COL23A1: variants seen among roughly 807,000 people sequenced by gnomAD.
COL23A1 encodes the protein collagen type XXIII alpha 1 chain, also known as collagen alpha-1(XXIII) chain.
COL23A1 carries 97 observed loss-of-function variants against 99.3 expected under a neutral mutation model. The observed-to-expected ratio is 0.98, with a 90% CI of 0.83 to 1.16. COL23A1 has a LOEUF of 1.16. Ranked by LOEUF, COL23A1 falls within the 50% of genes most tolerant of loss-of-function variation. The probability of loss-of-function intolerance (pLI) is 0.00; values close to 1 mark genes in which losing one functional copy is unlikely to be tolerated. For missense variants in COL23A1, 762 were observed against 757.4 expected, an observed-to-expected ratio of 1.01 and a Z score of -0.07; for synonymous variants, 320 against 308.2, an observed-to-expected ratio of 1.04 and a Z score of -0.40.
chr5:178,419,850 C>A (rs889339688), intron 2 of COL23A1, among the ~76,000 whole-genome samples: 1 of 152,272 alleles, frequency 6.6e-6, no homozygotes, highest in East Asian at 1.9e-4. Flanking sequence ...GTTCAAACTG[C>A]GTTCAAATAA....
intron 2 of COL23A1, among the ~76,000 whole-genome samples, chr5:178,342,546 C>T (rs144350281): frequency 2.6e-5 from 4 of 152,232 alleles, no homozygotes; most frequent in African/African-American, 4.8e-5. Context: ...TTGAGTGATG[C>T]CCCATTTCCC....
intron 2 of COL23A1, among the ~76,000 whole-genome samples, chr5:178,320,685 G>A (rs887588188): frequency 2.0e-5 from 3 of 152,196 alleles, no homozygotes; most frequent in Non-Finnish European, 4.4e-5. Flanking sequence ...GGGGACTTGG[G>A]GTGATTCATG....
intron 2 of COL23A1, among the ~76,000 whole-genome samples, chr5:178,367,859 G>A (rs1011882954): frequency 3.9e-5 from 6 of 152,250 alleles, no homozygotes; most frequent in Non-Finnish European, 5.9e-5. Flanking sequence ...CCTTCAGGCC[G>A]TGGCCTGGGT....
At chr5:178,337,526 G>A (rs1760408089) in intron 2 of COL23A1, among the ~76,000 whole-genome samples, 1 of 152,220 alleles carries the variant, frequency 6.6e-6, no homozygotes, top group African/African-American at 2.4e-5. Context: ...TGGGTGGAAA[G>A]ACAGAGAGAC....
Position 178,247,788 on chromosome 5 carries a change from G to A in COL23A1, c.1256C>T (p.Pro419Leu), listed in dbSNP as rs1764787936. Residue 419 changes from proline (P) to leucine (L), a missense_variant, in exon 21 of 29, where the codon CCC becomes CTC. By Grantham distance (98) the Pro-to-Leu change is moderately conservative. Coordinates refer to ENST00000390654, the MANE Select transcript of COL23A1 (RefSeq NM_173465.4). ...AACCGTCCTTACCATCGGGCCTGGG[G>A]GGCCAGGGGGGCCAGGGGGCCCTGG... Reference protein sequence around the residue: ...VEPGPPGPPGPPGPMGLQGIQ... With the variant: ...VEPGPPGPPGLPGPMGLQGIQ... The A allele has an allele frequency of 6.2e-7, 1 of 1,611,562 alleles. No individual in the cohort carries two copies. Among genetic ancestry groups the A allele is most frequent in the African/African-American group, 1.3e-5 (1 of 74,312 alleles).
intron 5 of COL23A1, among the ~76,000 whole-genome samples, chr5:178,282,832 C>T (rs1756969854): frequency 1.3e-5 from 2 of 152,128 alleles, no homozygotes; most frequent in African/African-American, 4.8e-5. Flanking sequence ...TCTCCAACCC[C>T]TTGGCAGTCT....
intron 2 of COL23A1, among the ~76,000 whole-genome samples, chr5:178,363,230 A>G (rs2127707162): frequency 6.6e-6 from 1 of 152,094 alleles, no homozygotes; most frequent in East Asian, 1.9e-4. Context: ...CAGTGTATCA[A>G]GGTTTTATCA....
chr5:178,393,578 T>C (rs116505347), intron 2 of COL23A1, among the ~76,000 whole-genome samples: 2,774 of 152,242 alleles, frequency 0.018, 86 homozygotes, highest in African/African-American at 0.062. Context: ...ATTCAGATCA[T>C]GTGAGACCAG....
chr5:178,422,573 C>G (rs938229751), intron 2 of COL23A1, among the ~76,000 whole-genome samples: 3 of 152,146 alleles, frequency 2.0e-5, no homozygotes, highest in Admixed American at 6.5e-5. Context: ...GTCCCTGAGC[C>G]ACAGCAACCC....
chr5:178,486,911 A>T (rs1457864802), intron 2 of COL23A1, among the ~76,000 whole-genome samples: 1 of 152,198 alleles, frequency 6.6e-6, no homozygotes. Flanking sequence ...GGGGTGCTGA[A>T]ATTAAACATC....
chr5:178,482,859 G>A (rs555026578), intron 2 of COL23A1, among the ~76,000 whole-genome samples: 24 of 152,094 alleles, frequency 1.6e-4, no homozygotes, highest in Admixed American at 5.9e-4. Context: ...CAGAGATCGC[G>A]CCACTGCACT....
intron 2 of COL23A1, among the ~76,000 whole-genome samples, chr5:178,448,202 A>G (rs1233851648): frequency 1.6e-5 from 1 of 63,980 alleles, no homozygotes; most frequent in Non-Finnish European, 3.1e-5. Context: ...TGCTAGTCGC[A>G]GTCCGTTTTG....
chr5:178,296,687 C>T (rs1167058184), intron 3 of COL23A1, among the ~76,000 whole-genome samples: 4 of 151,984 alleles, frequency 2.6e-5, no homozygotes, highest in African/African-American at 7.3e-5. Context: ...GAGGCAGTCC[C>T]GTAGGACCCT....
intron 2 of COL23A1, among the ~76,000 whole-genome samples, chr5:178,332,088 C>T (rs1448913006): frequency 6.6e-6 from 1 of 152,282 alleles, no homozygotes; most frequent in African/African-American, 2.4e-5. Context: ...GGTCCTGCTC[C>T]GGGACTACCC....
At position 178,384,908 on chromosome 5, in the gene COL23A1, T is replaced by C. The variant is rs1349334779; in HGVS notation, c.362-77989A>G. ...AGGAAGAGCGCGGTGAGAGGTCAAA[T>C]GGGTGGCGAGGCTCCCGCTCCTTCC... On this transcript the variant is annotated intron_variant, in intron 2 of 28. Coordinates refer to ENST00000390654, the MANE Select transcript of COL23A1 (RefSeq NM_173465.4). This position sits in a 1 kb window ranked among gnomAD's most constrained non-coding sequence, Gnocchi z 5.5. 1.4e-5 allele frequency among the ~76,000 whole-genome samples: 2 copies of C among 145,620 alleles called. No individual in the cohort carries two copies. Among genetic ancestry groups the C allele is most frequent in the Admixed American group, 6.8e-5 (1 of 14,748 alleles).
chr5:178,238,997 G>A, intron 28 of COL23A1, 144 bp downstream of exon 28: 1 of 968,678 alleles, frequency 1.0e-6, no homozygotes. Context: ...GGTCATGATG[G>A]GAAACCTGGC....
intron 2 of COL23A1, among the ~76,000 whole-genome samples, chr5:178,506,046 T>TCTGCA (rs1436963705): frequency 1.3e-5 from 2 of 152,112 alleles, no homozygotes; most frequent in African/African-American, 4.8e-5. Flanking sequence ...ACATACCCAC[T>TCTGCA]CTGCACTGCA....
At position 178,249,355 on chromosome 5, in the gene COL23A1, C is replaced by T. The variant is rs954847102; in HGVS notation, c.1060-149G>A. 2.0e-5 allele frequency: 15 copies of T among 765,592 alleles called. No individual in the cohort carries two copies. The Admixed American group carries it at 2.4e-4, about 12-fold the overall frequency. 47.4% of individuals were successfully genotyped at this position (765,592 alleles called of 1,614,324 possible). On this transcript the variant is annotated intron_variant, in intron 18 of 28. Transcript: ENST00000390654. ...AGCCACAGTGGCTGGGAGCCTCACC[C>T]GGATGCAGTGGGTGTGGGGCTAGGG... is the stretch of plus-strand genomic sequence containing the variant.
intron 17 of COL23A1, among the ~76,000 whole-genome samples, chr5:178,251,899 ATTTTC>A (rs1175619782): frequency 1.7e-5 from 2 of 115,352 alleles, no homozygotes; most frequent in South Asian, 2.9e-4. Flanking sequence ...TCTCTCTTTC[ATTTTC>A]TTTTCTTTTT....
Sources: gnomAD v4.1 joint callset for allele counts (sites outside exome capture counted in the v4.1 genomes callset) on GRCh38, gnomAD v4.1.1 for gene constraint, Gnocchi (gnomAD v3.1) non-coding constraint, MANE v1.5 for transcripts, NCBI Gene and HGNC (gene_info 2026-07-23, HGNC 2026-07-21) for gene names.